The following ARHGEF1 variants were observed in gnomAD, a reference collection of about 807,000 sequenced individuals.
The protein encoded by ARHGEF1 is Rho guanine nucleotide exchange factor 1.
Under a neutral mutation model 119.7 loss-of-function variants are expected in ARHGEF1, and 40 were observed. The ratio of observed to expected loss-of-function variants is 0.33; its 90% CI spans 0.26 to 0.44. ARHGEF1 has a LOEUF of 0.44. Ranked by LOEUF, ARHGEF1 falls within the 20% of genes least tolerant of loss-of-function variation. The probability of loss-of-function intolerance (pLI) is 1.00; values close to 1 mark genes in which losing one functional copy is unlikely to be tolerated. For missense variants in ARHGEF1, 976 were observed against 1,268.3 expected, an observed-to-expected ratio of 0.77 and a Z score of 3.50; for synonymous variants, 494 against 521.0, an observed-to-expected ratio of 0.95 and a Z score of 0.71.
downstream of ARHGEF1, chr19:41,908,169 G>A: frequency 5.8e-6 from 7 of 1,211,554 alleles, no homozygotes; most frequent in Non-Finnish European, 7.2e-6. This position sits in a 1 kb window ranked among gnomAD's most constrained non-coding sequence, Gnocchi z 6.7. Context: ...CAGGCATCAA[G>A]GGCAGACGGG....
Position 41,895,434 on chromosome 19 carries a change from C to T in ARHGEF1, c.963C>T (p.Thr321=), listed in dbSNP as rs2074467902. ...ATATCGGGGCTCCTGGGCAGGACACCCCTGGAGTCTCTCTGCACCCTCTGT... is the reference window on the plus strand; with the variant it reads ...ATATCGGGGCTCCTGGGCAGGACACTCCTGGAGTCTCTCTGCACCCTCTGT... The part of the protein sequence containing the change: ...DRNIGAPGQD[T]PGVSLHPLSL... Residue 321 remains threonine (T), a synonymous_variant, in exon 12 of 29, where the codon ACC becomes ACT. Transcript: ENST00000354532. 1.2e-6 allele frequency: 2 copies of T among 1,612,604 alleles called. No homozygotes were observed. Among genetic ancestry groups the T allele is most frequent in the African/African-American group, 1.3e-5 (1 of 74,980 alleles).
chr19:41,921,581 G>A (rs1348389163), upstream of ARHGEF1, among the ~76,000 whole-genome samples: 4 of 152,100 alleles, frequency 2.6e-5, no homozygotes, highest in African/African-American at 9.7e-5. This position sits in a 1 kb window ranked among gnomAD's most constrained non-coding sequence, Gnocchi z 4.4. Context: ...TGAGACAAAA[G>A]TAGATTAGAA....
At chr19:41,919,677 TC>T (rs2074825948), upstream of ARHGEF1, among the ~76,000 whole-genome samples, 1 of 152,006 alleles carries the variant, frequency 6.6e-6, no homozygotes, top group Admixed American at 6.6e-5. Context: ...CTCAGCTGCG[TC>T]CTTCACACCC....
chr19:41,886,069 A>G (rs2074290028), intron 1 of ARHGEF1, among the ~76,000 whole-genome samples: 1 of 152,078 alleles, frequency 6.6e-6, no homozygotes, highest in South Asian at 2.1e-4. Flanking sequence ...TAAATGCGTA[A>G]ACTCTGTAGC....
Position 41,902,540 on chromosome 19 carries a change from G to A in ARHGEF1, c.1505G>A (p.Gly502Asp). 1.2e-6 allele frequency: 2 copies of A among 1,614,102 alleles called. No homozygotes were observed. Among genetic ancestry groups the A allele is most frequent in the Non-Finnish European group, 1.7e-6 (2 of 1,180,034 alleles). Residue 502 changes from glycine to aspartate, a missense_variant, in exon 17 of 29, where the codon GGT (glycine) becomes GAT (aspartate). Gly to Asp is a moderately conservative substitution (Grantham distance 94). Transcript: ENST00000354532. The surrounding 1 kb of genome is among the most constrained non-coding windows in gnomAD (Gnocchi z 6.5). ...GCCTGAATCTCGCTGTAGTTTGATGGTGCTGAGGGCTCCTGGTTCCAGAAA... is the reference window on the plus strand; with the variant it reads ...GCCTGAATCTCGCTGTAGTTTGATGATGCTGAGGGCTCCTGGTTCCAGAAA... ...IGDVLLARFD[G>D]AEGSWFQKIS...
intron 11 of ARHGEF1, among the ~76,000 whole-genome samples, chr19:41,895,031 C>T (rs1192554353): frequency 1.5e-5 from 2 of 133,746 alleles, no homozygotes; most frequent in Non-Finnish European, 3.1e-5. Context: ...AGGAGCGGCT[C>T]AGACTCGGAC....
At chr19:41,920,084 T>C (rs1249999389), upstream of ARHGEF1, among the ~76,000 whole-genome samples, 3 of 114,348 alleles carry the variant, frequency 2.6e-5, no homozygotes, top group African/African-American at 1.1e-4. Context: ...CTCACAGACA[T>C]GACACGCTCA....
chr19:41,925,657 G>A (rs2074867112), intron 1 of ARHGEF1, among the ~76,000 whole-genome samples: 1 of 152,122 alleles, frequency 6.6e-6, no homozygotes, highest in Non-Finnish European at 1.5e-5. Flanking sequence ...CACAGGTGGG[G>A]AAGGTGCTTC....
At chr19:41,898,204 G>T in intron 13 of ARHGEF1, 2 of 1,400,598 alleles carry the variant, frequency 1.4e-6, no homozygotes, top group Non-Finnish European at 1.9e-6. Context: ...AATGGGCGTT[G>T]GAGACCGAGG....
At chr19:41,912,865 G>C (rs2074761928) in intron 18 of ARHGEF1, 1 of 1,230,132 alleles carries the variant, frequency 8.1e-7, no homozygotes, top group Admixed American at 4.2e-5. Flanking sequence ...GGGGTCCAGA[G>C]AGCCGGCAGG....
rs1555847116 is a variant in ARHGEF1 at position 41,894,586 on chromosome 19, C to G, written c.841+39C>G. ...GGCCTCTGCCCTCCCCTGTCTTCCC[C>G]AGCTGCTCCCACTCACTGTCTCATT... On this transcript the variant is annotated intron_variant, in intron 10 of 28. Transcript: ENST00000354532. The G allele has an allele frequency of 1.9e-6, 3 of 1,614,070 alleles. No individual in the cohort carries two copies. In the South Asian group the frequency reaches 3.3e-5, roughly 18 times the overall value.
At chr19:41,899,873 G>C (rs2074571160) in intron 14 of ARHGEF1, among the ~76,000 whole-genome samples, 2 of 151,872 alleles carry the variant, frequency 1.3e-5, no homozygotes, top group Non-Finnish European at 2.9e-5. Context: ...AAATTTTAGG[G>C]GAGTAGTTGA....
At chr19:41,911,053 G>A (rs1475823074), downstream of ARHGEF1, among the ~76,000 whole-genome samples, 1 of 152,156 alleles carries the variant, frequency 6.6e-6, no homozygotes, top group Non-Finnish European at 1.5e-5. Flanking sequence ...ACAGCACCAA[G>A]ATATCCATGT....
In ARHGEF1 at chr19:41,904,130, C is replaced by T. The variant is rs782423341; in HGVS notation, c.1993+20C>T. On this transcript the variant is annotated intron_variant, in intron 21 of 28. Transcript: ENST00000354532. The surrounding 1 kb of genome is among the most constrained non-coding windows in gnomAD (Gnocchi z 8.4). ...CAGTGGGTGAGTGCCAGAGCAGCTGCCTAGTGCAGGGTGTTGGGGCAGTGA... is the reference window on the plus strand; with the variant it reads ...CAGTGGGTGAGTGCCAGAGCAGCTGTCTAGTGCAGGGTGTTGGGGCAGTGA... The T allele has an allele frequency of 1.2e-6, 2 of 1,614,202 alleles. No individual in the cohort carries two copies. The highest frequency in any genetic ancestry group is 2.7e-5 in the African/African-American group (2 of 75,066).
upstream of ARHGEF1, among the ~76,000 whole-genome samples, chr19:41,919,269 GAC>G (rs1320055633): frequency 2.0e-5 from 3 of 152,110 alleles, no homozygotes; most frequent in Non-Finnish European, 4.4e-5. Flanking sequence ...CACACAGGGT[GAC>G]ACCAGAAACA....
At chr19:41,897,814 C>T in intron 13 of ARHGEF1, 1 of 989,514 alleles carries the variant, frequency 1.0e-6, no homozygotes, top group Non-Finnish European at 1.3e-6. Context: ...CTCTCCCCAC[C>T]TCTGTCCCTG....
chr19:41,894,548 G>A lies in ARHGEF1; in HGVS notation c.841+1G>A. Reference sequence around the variant, plus strand: ...CGCTGGAACCGGGGAGAGCCCCAGGGTAAGGCGGCTCTGGCCTCTGCCCTC... The same window carrying A: ...CGCTGGAACCGGGGAGAGCCCCAGGATAAGGCGGCTCTGGCCTCTGCCCTC... On this transcript the variant is annotated splice_donor_variant, in intron 10 of 28. Transcript: ENST00000354532. LOFTEE classifies it high-confidence loss of function. 6.2e-7 allele frequency: 1 copy of A among 1,613,600 alleles called. No individual in the cohort carries two copies. Among genetic ancestry groups the A allele is most frequent in the Non-Finnish European group, 8.5e-7 (1 of 1,179,642 alleles).
Position 41,905,109 on chromosome 19 carries a change from TG to T in ARHGEF1, c.2250-65del. ...TCTGGGTTCCCAGGGACAGGAGGGCTGTGGGGAGGCCCTGGCATAGGGTCTG... is the reference window on the plus strand; with the variant it reads ...TCTGGGTTCCCAGGGACAGGAGGGCTTGGGGAGGCCCTGGCATAGGGTCTG... On this transcript the variant is annotated intron_variant, in intron 23 of 28. Transcript: ENST00000354532. This position sits in a 1 kb window ranked among gnomAD's most constrained non-coding sequence, Gnocchi z 6.4. 1 of 1,608,808 alleles carries T rather than the reference TG, an allele frequency of 6.2e-7. No individual in the cohort carries two copies. The highest frequency in any genetic ancestry group is 1.3e-5 in the African/African-American group (1 of 74,922).
chr19:41,920,604 G>A (rs782036893), upstream of ARHGEF1, among the ~76,000 whole-genome samples: 1 of 152,210 alleles, frequency 6.6e-6, no homozygotes, highest in African/African-American at 2.4e-5. Flanking sequence ...GGACATGTGT[G>A]GCTCCACTCA....
Sources: gnomAD v4.1 joint callset for allele counts (sites outside exome capture counted in the v4.1 genomes callset) on GRCh38, gnomAD v4.1.1 for gene constraint, Gnocchi (gnomAD v3.1) non-coding constraint, MANE v1.5 for transcripts, NCBI Gene and HGNC (gene_info 2026-07-23, HGNC 2026-07-21) for gene names.